The following GALNTL5 variants were observed in gnomAD, a reference collection of about 807,000 sequenced individuals.
GALNTL5 encodes the protein polypeptide N-acetylgalactosaminyltransferase like 5.
In GALNTL5, 44 loss-of-function variants were observed where a neutral mutation model predicts 51.0. The observed-to-expected ratio is 0.86, with a 90% confidence interval of 0.68 to 1.11. The LOEUF is 1.11. Among genes scored for constraint, GALNTL5 ranks in the 50% least tolerant of loss-of-function variants. The probability of loss-of-function intolerance (pLI) is 0.00; values close to 1 mark genes in which losing one functional copy is unlikely to be tolerated. For missense variants in GALNTL5, 528 were observed against 531.8 expected, an observed-to-expected ratio of 0.99 and a Z score of 0.07; for synonymous variants, 192 against 182.8, an observed-to-expected ratio of 1.05 and a Z score of -0.41.
At chr7:151,967,041 A>C (rs1236203008) in intron 1 of GALNTL5, among the ~76,000 whole-genome samples, 167 bp from the exon 2 acceptor site, 2 of 152,190 alleles carry the variant, frequency 1.3e-5, no homozygotes, top group East Asian at 1.9e-4. Flanking sequence ...TAGGAATATC[A>C]GTTTTAGGAA....
chr7:151,999,071 A>G (rs1320019805), intron 5 of GALNTL5, among the ~76,000 whole-genome samples: 1 of 152,216 alleles, frequency 6.6e-6, no homozygotes, highest in Admixed American at 6.5e-5. Flanking sequence ...GTCTCTGGCA[A>G]CCACCTATCT....
At chr7:151,986,946 C>G (rs1186408797) in intron 4 of GALNTL5, among the ~76,000 whole-genome samples, 2 of 151,982 alleles carry the variant, frequency 1.3e-5, no homozygotes, top group African/African-American at 4.8e-5. Flanking sequence ...AGGCTGGTCT[C>G]GAACTCCTGA....
intron 5 of GALNTL5, among the ~76,000 whole-genome samples, chr7:151,991,876 G>T (rs549309497): frequency 2.0e-5 from 3 of 152,276 alleles, no homozygotes; most frequent in East Asian, 1.9e-4. Flanking sequence ...AAATGGGAAA[G>T]AATTTACATA....
Position 151,997,592 on chromosome 7 carries a change from C to T in GALNTL5, c.659-5122C>T, listed in dbSNP as rs1285014962. Among the ~76,000 whole-genome samples, 29 of 152,088 alleles carry T rather than the reference C, an allele frequency of 1.9e-4. 1 individual carries two copies. The highest frequency in any genetic ancestry group is 1.9e-3 in the Admixed American group (29 of 15,254). On this transcript the variant is annotated intron_variant, in intron 5 of 8. Coordinates refer to ENST00000392800, the MANE Select transcript of GALNTL5 (RefSeq NM_145292.4). ...ACTTAAATCAAAATTCAGTAATACC[C>T]CATATTAATTTTGCATAAAGTATAA...
At chr7:151,969,519 A>T (rs776256446) in intron 2 of GALNTL5, among the ~76,000 whole-genome samples, 12 of 152,092 alleles carry the variant, frequency 7.9e-5, no homozygotes, top group Admixed American at 1.3e-4. Context: ...CAGCCAGCAC[A>T]GTTTCAACCA....
intron 7 of GALNTL5, among the ~76,000 whole-genome samples, chr7:152,008,511 C>A (rs748598188): frequency 4.0e-5 from 6 of 151,700 alleles, no homozygotes; most frequent in Non-Finnish European, 8.8e-5. Context: ...TTTATTGTCT[C>A]AGTAGTTGTG....
intron 3 of GALNTL5, among the ~76,000 whole-genome samples, chr7:151,976,797 A>G (rs1263089166): frequency 6.6e-6 from 1 of 152,052 alleles, no homozygotes; most frequent in African/African-American, 2.4e-5. Flanking sequence ...CCTCCTGAGT[A>G]GCTGGGATTA....
intron 3 of GALNTL5, among the ~76,000 whole-genome samples, chr7:151,973,151 C>T (rs2081166896): frequency 6.6e-6 from 1 of 152,034 alleles, no homozygotes; most frequent in East Asian, 1.9e-4. Context: ...CAAAGGAGAT[C>T]ATTTCAGAAC....
intron 4 of GALNTL5, among the ~76,000 whole-genome samples, chr7:151,985,279 C>T (rs1179179119): frequency 6.6e-6 from 1 of 152,100 alleles, no homozygotes; most frequent in African/African-American, 2.4e-5. Context: ...CATTGTGGTC[C>T]CCTTTATGAG....
Position 151,971,074 on chromosome 7 carries a change from T to C in GALNTL5, c.368+9T>C, listed in dbSNP as rs144786536. 962 of 1,590,010 alleles carry C rather than the reference T, an allele frequency of 6.1e-4. 3 individuals are homozygous for C. In the African/African-American group the frequency reaches 0.011, roughly 19 times the overall value. ...GATACCAGGAGTAAAATGTATGTTG[T>C]CTCTCTCTTTCTCTCATTCTCTAGA... On this transcript the variant is annotated intron_variant, in intron 3 of 8. Transcript: ENST00000392800.
At chr7:151,967,521 C>T (rs2081075249) in intron 2 of GALNTL5, 28 bp downstream of exon 2, 2 of 1,595,314 alleles carry the variant, frequency 1.3e-6, no homozygotes, top group African/African-American at 2.7e-5. Context: ...TTTCCGTTAG[C>T]CATTTGAAGG....
rs769383480 is a variant in GALNTL5 at position 152,019,765 on chromosome 7, C to T, written c.1296C>T (p.Val432=). The change falls in exon 9 of 9, where the codon GTC becomes GTT. Residue 432 remains valine (V), a synonymous_variant. Transcript: ENST00000392800. The stretch of plus-strand genomic sequence containing the variant: ...CATTTCAGTGGTATTTGGATAATGT[C>T]TTCCCAGAGTTGGAGGCATCTGTGA... ...CKSFQWYLDN[V]FPELEASVNS... is the part of the protein sequence containing the mutation. 4 of 1,613,614 alleles carry T rather than the reference C, an allele frequency of 2.5e-6. No homozygotes were observed. Among genetic ancestry groups the T allele is most frequent in the African/African-American group, 2.7e-5 (2 of 74,878 alleles).
chr7:151,989,182 C>T lies in GALNTL5; in HGVS notation c.658+1901C>T, dbSNP rs969912005. ...TCTTTTTTTTTTTTAGACAGTCTCG[C>T]TCTGTCACCCAGGATGGAGTGCAGT... On this transcript the variant is annotated intron_variant, in intron 5 of 8. Coordinates refer to ENST00000392800, the MANE Select transcript of GALNTL5 (RefSeq NM_145292.4). Among the ~76,000 whole-genome samples the T allele has an allele frequency of 1.6e-4, 24 of 151,006 alleles. 1 individual carries two copies. The highest frequency in any genetic ancestry group is 1.1e-3 in the Admixed American group (16 of 15,152).
At chr7:151,985,262 C>T (rs1176939633) in intron 4 of GALNTL5, among the ~76,000 whole-genome samples, 1 of 152,154 alleles carries the variant, frequency 6.6e-6, no homozygotes, top group Admixed American at 6.5e-5. Context: ...CTCATACATT[C>T]ATCACACATT....
chr7:152,012,764 C>A (rs1488693708), intron 7 of GALNTL5, among the ~76,000 whole-genome samples: 1 of 152,132 alleles, frequency 6.6e-6, no homozygotes, highest in Non-Finnish European at 1.5e-5. Flanking sequence ...GTCAGAAGTT[C>A]ATGACCAACC....
At chr7:151,976,732 G>A (rs190450123) in intron 3 of GALNTL5, among the ~76,000 whole-genome samples, 66 of 152,146 alleles carry the variant, frequency 4.3e-4, no homozygotes, top group Non-Finnish European at 7.4e-4. Flanking sequence ...GTAGTGGCAC[G>A]ATCTCAGCTC....
At chr7:151,982,666 T>G (rs1005545708) in intron 3 of GALNTL5, among the ~76,000 whole-genome samples, 3 of 152,174 alleles carry the variant, frequency 2.0e-5, no homozygotes, top group African/African-American at 7.2e-5. Flanking sequence ...TAATTCATTT[T>G]TATAACAGAA....
chr7:151,980,413 C>T lies in GALNTL5; in HGVS notation c.369-2573C>T, dbSNP rs572198816. ...ATTTTTCCACATGTTTCTGCACAGC[C>T]GCGTTTTCCCACTCACCGTTACAGA... On this transcript the variant is annotated intron_variant, in intron 3 of 8. Transcript: ENST00000392800. Among the ~76,000 whole-genome samples, 128 of 152,282 alleles carry T rather than the reference C, an allele frequency of 8.4e-4. 1 individual carries two copies. The highest frequency in any genetic ancestry group is 2.9e-3 in the African/African-American group (121 of 41,552).
At chr7:152,002,407 A>C (rs1374308615) in intron 5 of GALNTL5, among the ~76,000 whole-genome samples, 2 of 152,214 alleles carry the variant, frequency 1.3e-5, no homozygotes, top group Non-Finnish European at 2.9e-5. Context: ...TGATCAGTCA[A>C]GACCAAGCTA....
Sources: allele counts gnomAD v4.1 joint callset (sites outside exome capture counted in the v4.1 genomes callset), GRCh38; gene constraint gnomAD v4.1.1; transcripts MANE v1.5; gene names NCBI Gene and HGNC (gene_info 2026-07-23, HGNC 2026-07-21).